Variants in DHRSX observed in about 807,000 individuals in gnomAD.
DHRSX encodes the protein dehydrogenase/reductase X-linked.
A neutral mutation model predicts 34.0 loss-of-function variants in DHRSX; 31 were observed. The ratio of observed to expected loss-of-function variants is 0.91; its 90% CI spans 0.69 to 1.23. The LOEUF is 1.23. Ranked by LOEUF, DHRSX falls within the 50% of genes most tolerant of loss-of-function variation. The pLI is 0.00. For missense variants in DHRSX, 414 were observed against 428.1 expected (o/e 0.97, Z 0.29); for synonymous variants, 201 against 183.8 (o/e 1.09, Z -0.76).
chrX:2,496,550 T>C, intron 1 of DHRSX, among the ~76,000 whole-genome samples: 1 of 152,314 alleles, frequency 6.6e-6, no homozygotes. Flanking sequence ...GCTTGGGTGA[T>C]GGGTGCACCA....
At chrX:2,259,655 C>T (rs2041336157) in intron 5 of DHRSX, among the ~76,000 whole-genome samples, 1 of 152,114 alleles carries the variant, frequency 6.6e-6, no homozygotes, top group Non-Finnish European at 1.5e-5. Flanking sequence ...GTCTGAAATT[C>T]AGGAGTGGAC....
chrX:2,492,648 A>G (rs747355640), intron 1 of DHRSX, among the ~76,000 whole-genome samples: 11 of 151,282 alleles, frequency 7.3e-5, no homozygotes, highest in Admixed American at 7.2e-4. Flanking sequence ...GGAGACACAG[A>G]CACAGAGAAG....
intron 1 of DHRSX, chrX:2,489,078 G>A: frequency 6.2e-7 from 1 of 1,613,896 alleles, no homozygotes; most frequent in Non-Finnish European, 8.5e-7. Flanking sequence ...ATCTCGGCCA[G>A]CATGTTGTTG....
At chrX:2,353,756 T>C (rs1337189730) in intron 3 of DHRSX, among the ~76,000 whole-genome samples, 38 of 32,452 alleles carry the variant, frequency 1.2e-3, no homozygotes, top group Non-Finnish European at 8.1e-5. Context: ...GCTAATTTTG[T>C]TTTTTTTTAG....
intron 3 of DHRSX, among the ~76,000 whole-genome samples, chrX:2,372,949 C>G (rs1415277104): frequency 3.3e-5 from 5 of 152,092 alleles, no homozygotes; most frequent in Non-Finnish European, 7.4e-5. Context: ...AACCGCGGCT[C>G]TACTTTGCAT....
At chrX:2,402,489 C>G (rs1050730082) in intron 3 of DHRSX, among the ~76,000 whole-genome samples, 1 of 152,236 alleles carries the variant, frequency 6.6e-6, no homozygotes, top group African/African-American at 2.4e-5. Context: ...AGGCAGAGGG[C>G]AGACCCTGCC....
At chrX:2,377,347 C>A (rs2043153498) in intron 3 of DHRSX, among the ~76,000 whole-genome samples, 2 of 151,648 alleles carry the variant, frequency 1.3e-5, no homozygotes, top group Admixed American at 6.6e-5. Flanking sequence ...ATGGTCCCAT[C>A]CGGGGGGTGA....
rs1026284103 is a variant in DHRSX at position 2,346,882 on chromosome X, G to C, written c.287-55279C>G. ...TTCTCATTGTTCAACTCCCACTTAT[G>C]AGTGAGAACATGAGGTGTTTGGTTT... On this transcript the variant is annotated intron_variant, in intron 3 of 6. Coordinates refer to ENST00000334651, the MANE Select transcript of DHRSX (RefSeq NM_145177.3). Among the ~76,000 whole-genome samples the C allele has an allele frequency of 3.3e-5, 5 of 151,768 alleles. No homozygotes were observed. The East Asian group carries it at 9.7e-4, about 29-fold the overall frequency.
In DHRSX at chrX:2,267,477, G is replaced by A. The variant is rs746735131; in HGVS notation, c.389-530C>T. On this transcript the variant is annotated intron_variant, in intron 4 of 6. Coordinates refer to ENST00000334651, the MANE Select transcript of DHRSX (RefSeq NM_145177.3). ...GGAGAATTGCTTGAACCTGGGAGGC[G>A]GAGGTTGCAGTGAGCTGAGATCATG... is the stretch of plus-strand genomic sequence containing the variant. 6.7e-4 allele frequency among the ~76,000 whole-genome samples: 102 copies of A among 151,780 alleles called. 1 individual carries two copies. Among genetic ancestry groups the A allele is most frequent in the Admixed American group, 2.2e-3 (33 of 15,220 alleles).
At chrX:2,306,649 C>T (rs1032175766) in intron 3 of DHRSX, among the ~76,000 whole-genome samples, 2 of 151,886 alleles carry the variant, frequency 1.3e-5, no homozygotes, top group Admixed American at 6.6e-5. Flanking sequence ...GACAAGGTTT[C>T]GATGATCAGT....
intron 1 of DHRSX, among the ~76,000 whole-genome samples, chrX:2,473,041 G>T (rs2044617850): frequency 6.6e-6 from 1 of 151,994 alleles, no homozygotes; most frequent in African/African-American, 2.4e-5. Context: ...ACTGTCCACT[G>T]CAAAGCTCCA....
At chrX:2,408,976 G>T in intron 2 of DHRSX, 163 bp from the exon 3 acceptor site, 1 of 192,756 alleles carries the variant, frequency 5.2e-6, no homozygotes, top group African/African-American at 2.4e-5. Context: ...CAGCCATTTT[G>T]GCAGACTAAA....
At chrX:2,324,478 T>C (rs1327059814) in intron 3 of DHRSX, among the ~76,000 whole-genome samples, 1 of 152,102 alleles carries the variant, frequency 6.6e-6, no homozygotes, top group African/African-American at 2.4e-5. Flanking sequence ...TGCCCTTGGA[T>C]TTTGTGTGCA....
intron 6 of DHRSX, among the ~76,000 whole-genome samples, chrX:2,236,155 T>C (rs2016011034): frequency 6.6e-6 from 1 of 152,068 alleles, no homozygotes; most frequent in Non-Finnish European, 1.5e-5. Context: ...TCCGCACCTG[T>C]ACTCCTTAAA....
At chrX:2,420,049 T>A (rs1239183679) in intron 2 of DHRSX, among the ~76,000 whole-genome samples, 1 of 151,616 alleles carries the variant, frequency 6.6e-6, no homozygotes, top group Non-Finnish European at 1.5e-5. Flanking sequence ...GACAGGAGAG[T>A]TAGGGACATG....
chrX:2,398,670 CT>C (rs34876710), intron 3 of DHRSX, among the ~76,000 whole-genome samples: 4,400 of 129,886 alleles, frequency 0.034, 180 homozygotes, highest in African/African-American at 0.12. Context: ...ATGCATATTC[CT>C]TTTTTTTTTT....
intron 1 of DHRSX, chrX:2,486,733 AAC>A (rs1361855407): frequency 1.3e-5 from 2 of 152,250 alleles, no homozygotes; most frequent in African/African-American, 2.4e-5. Flanking sequence ...TTCTGCCGAG[AAC>A]ACCCGGAGCT....
chrX:2,236,083 G>C (rs1483404250), intron 6 of DHRSX, among the ~76,000 whole-genome samples: 1 of 151,856 alleles, frequency 6.6e-6, no homozygotes, highest in Admixed American at 6.6e-5. Context: ...TTGTACTCCA[G>C]CCTGGGTGAC....
intron 3 of DHRSX, among the ~76,000 whole-genome samples, chrX:2,373,962 G>C (rs2043110846): frequency 6.6e-6 from 1 of 152,180 alleles, no homozygotes; most frequent in South Asian, 2.1e-4. Context: ...GTGACGTAAA[G>C]TAAGTTCCTG....
Sources: gnomAD v4.1 joint callset for allele counts (sites outside exome capture counted in the v4.1 genomes callset) on GRCh38, gnomAD v4.1.1 for gene constraint, MANE v1.5 for transcripts, NCBI Gene and HGNC (gene_info 2026-07-23, HGNC 2026-07-21) for gene names.